Variants in NXPE2 observed in about 807,000 individuals in gnomAD.
The protein encoded by NXPE2 is neurexophilin and PC-esterase domain family member 2.
In NXPE2, 34 loss-of-function variants were observed where a neutral mutation model predicts 34.4. The observed-to-expected ratio is 0.99, with a 90% confidence interval of 0.75 to 1.31. NXPE2 has a LOEUF of 1.31. Ranked by LOEUF, NXPE2 falls within the 40% of genes most tolerant of loss-of-function variation. NXPE2 has a pLI of 0.00. For synonymous variants in NXPE2, 235 were observed against 231.3 expected, an observed-to-expected ratio of 1.02 and a Z score of -0.15; for missense variants, 649 against 672.5, an observed-to-expected ratio of 0.97 and a Z score of 0.39.
chr11:114,661,831 G>A, the NXPE2 span, among the ~76,000 whole-genome samples: 1 of 152,148 alleles, frequency 6.6e-6, no homozygotes, highest in African/African-American at 2.4e-5. Context: ...AGACACAGAG[G>A]TTGACAGAAA....
At chr11:114,692,902 T>C (rs1224347724) in intron 2 of NXPE2, among the ~76,000 whole-genome samples, 1 of 152,140 alleles carries the variant, frequency 6.6e-6, no homozygotes, top group African/African-American at 2.4e-5. Flanking sequence ...CTATCTACTT[T>C]CTACGCTGGC....
At chr11:114,790,819 C>A in the NXPE2 span, among the ~76,000 whole-genome samples, 3 of 152,076 alleles carry the variant, frequency 2.0e-5, no homozygotes, top group African/African-American at 7.2e-5. Context: ...GCCAACAGAA[C>A]CCATGCTGCT....
the NXPE2 span, among the ~76,000 whole-genome samples, chr11:114,726,155 T>C: frequency 6.6e-6 from 1 of 151,726 alleles, no homozygotes; most frequent in Non-Finnish European, 1.5e-5. Context: ...TGTTGACAGT[T>C]GTTTTCCTTA....
At chr11:114,702,061 T>C (rs985343668) in intron 3 of NXPE2, among the ~76,000 whole-genome samples, 2 of 152,166 alleles carry the variant, frequency 1.3e-5, no homozygotes, top group African/African-American at 4.8e-5. Context: ...TGTTACTTCC[T>C]AGGATATTTA....
chr11:114,561,170 C>T, the NXPE2 span, among the ~76,000 whole-genome samples: 1 of 152,190 alleles, frequency 6.6e-6, no homozygotes, highest in South Asian at 2.1e-4. Flanking sequence ...ATTATTAGTA[C>T]TGTGCTAAGT....
chr11:114,658,874 A>G, the NXPE2 span, among the ~76,000 whole-genome samples: 1 of 152,204 alleles, frequency 6.6e-6, no homozygotes, highest in African/African-American at 2.4e-5. Context: ...TCATTCTCCC[A>G]GTAGGCTAGG....
the NXPE2 span, among the ~76,000 whole-genome samples, chr11:114,757,692 A>T: frequency 6.6e-6 from 1 of 152,188 alleles, no homozygotes; most frequent in Non-Finnish European, 1.5e-5. Flanking sequence ...TTTCTGTTGC[A>T]TCTCCAGTTG....
At chr11:114,470,731 T>G in the NXPE2 span, among the ~76,000 whole-genome samples, 1 of 152,052 alleles carries the variant, frequency 6.6e-6, no homozygotes, top group African/African-American at 2.4e-5. Context: ...GAAGAGATGA[T>G]GCAGTCTCAA....
chr11:114,637,002 A>AAT, the NXPE2 span, among the ~76,000 whole-genome samples: 1 of 152,142 alleles, frequency 6.6e-6, no homozygotes, highest in Non-Finnish European at 1.5e-5. Context: ...AGCTGAGTTC[A>AAT]ATTCCTGGGT....
chr11:114,789,431 C>T, the NXPE2 span, among the ~76,000 whole-genome samples: 1 of 152,164 alleles, frequency 6.6e-6, no homozygotes, highest in Non-Finnish European at 1.5e-5. Context: ...TCCTATGCTT[C>T]AACCCACTCT....
chr11:114,779,883 G>A, the NXPE2 span, among the ~76,000 whole-genome samples: 3 of 152,148 alleles, frequency 2.0e-5, no homozygotes, highest in Admixed American at 6.5e-5. Context: ...GGTGAGTGAC[G>A]AAAAAGAAGG....
the NXPE2 span, among the ~76,000 whole-genome samples, chr11:114,802,612 CTTTTA>C: frequency 6.6e-6 from 1 of 152,064 alleles, no homozygotes; most frequent in Non-Finnish European, 1.5e-5. Context: ...GCTAGACAGT[CTTTTA>C]TTTTTTTTAA....
the NXPE2 span, among the ~76,000 whole-genome samples, chr11:114,729,483 C>A: frequency 6.4e-4 from 97 of 152,246 alleles, no homozygotes; most frequent in African/African-American, 2.3e-3. Flanking sequence ...GAGAAATCTA[C>A]AAACTGCTTT....
the NXPE2 span, among the ~76,000 whole-genome samples, chr11:114,803,096 G>C: frequency 3.3e-5 from 5 of 152,212 alleles, no homozygotes; most frequent in African/African-American, 1.2e-4. Context: ...GCCTGCAACA[G>C]GCTCAGCCAA....
At chr11:114,539,453 T>C in the NXPE2 span, among the ~76,000 whole-genome samples, 1 of 151,658 alleles carries the variant, frequency 6.6e-6, no homozygotes. Context: ...GAAAATACAA[T>C]TGAGGAAGCT....
At chr11:114,746,898 A>C in the NXPE2 span, among the ~76,000 whole-genome samples, 8 of 145,752 alleles carry the variant, frequency 5.5e-5, no homozygotes, top group African/African-American at 2.0e-4. Context: ...AAAAAAAAAA[A>C]ACCCCACAAA....
the NXPE2 span, among the ~76,000 whole-genome samples, chr11:114,793,389 G>T: frequency 1.3e-5 from 2 of 152,044 alleles, no homozygotes; most frequent in Non-Finnish European, 2.9e-5. Flanking sequence ...AGAAGACAAG[G>T]CCCTTGTCCA....
chr11:114,652,267 A>C, the NXPE2 span, among the ~76,000 whole-genome samples: 2 of 152,218 alleles, frequency 1.3e-5, no homozygotes, highest in Non-Finnish European at 2.9e-5. Flanking sequence ...GACATTGAGC[A>C]TCTGGAAGGG....
chr11:114,596,361 A>C, the NXPE2 span, among the ~76,000 whole-genome samples: 1 of 152,234 alleles, frequency 6.6e-6, no homozygotes, highest in Non-Finnish European at 1.5e-5. Flanking sequence ...ACCAGTGCCC[A>C]CAGGAAGCAG....
Sources: allele counts gnomAD v4.1 joint callset (sites outside exome capture counted in the v4.1 genomes callset), GRCh38; gene constraint gnomAD v4.1.1; transcripts MANE v1.5; gene names NCBI Gene and HGNC (gene_info 2026-07-23, HGNC 2026-07-21).